Variants in KCNQ1OT1 observed in about 807,000 individuals in gnomAD.
KCNQ1OT1 encodes KCNQ1 opposite strand/antisense transcript 1, also known as KCNQ1 antisense RNA 2 (non-protein coding).
Position 2,677,670 on chromosome 11 carries a change from A to G in KCNQ1OT1, n.22325T>C. 2 of 398,608 alleles carry G rather than the reference A, an allele frequency of 5.0e-6. No individual in the cohort carries two copies. The highest frequency in any genetic ancestry group is 8.8e-6 in the Non-Finnish European group (2 of 226,052). The allele number at this position is 398,608 out of a possible 1,614,324, so 24.7% of individuals were successfully genotyped here. ...ACTGTTATTGCATATGAGATAAAAT[A>G]ATATTTTAACTACTGTTATTTTTCA... is the stretch of plus-strand genomic sequence containing the variant. On this transcript the variant is annotated non_coding_transcript_exon_variant, in exon 1 of 1. Coordinates refer to ENST00000597346, the Ensembl canonical transcript of KCNQ1OT1. This position sits in a 1 kb window ranked among gnomAD's most constrained non-coding sequence, Gnocchi z 4.5.
In KCNQ1OT1 at chr11:2,673,432, CAACTTGGTGTTG is replaced by C; in HGVS notation, n.26551_26562del. The C allele has an allele frequency of 2.5e-6, 1 of 398,670 alleles. No individual in the cohort carries two copies. The highest frequency in any genetic ancestry group is 4.4e-6 in the Non-Finnish European group (1 of 226,082). 24.7% of individuals were successfully genotyped at this position (398,670 alleles called of 1,614,324 possible). On this transcript the variant is annotated non_coding_transcript_exon_variant, in exon 1 of 1. Coordinates refer to ENST00000597346, the Ensembl canonical transcript of KCNQ1OT1. The surrounding 1 kb of genome is among the most constrained non-coding windows in gnomAD (Gnocchi z 4.5). ...GCCTAGGCACCAGGCCTGGAGGTTCCAACTTGGTGTTGGGCCTCCTTGAGCCGGAACACCTGA... is the reference window on the plus strand; with the variant it reads ...GCCTAGGCACCAGGCCTGGAGGTTCCGGCCTCCTTGAGCCGGAACACCTGA...
Position 2,658,430 on chromosome 11 carries a change from C to A in KCNQ1OT1, n.41565G>T. On this transcript the variant is annotated non_coding_transcript_exon_variant, in exon 1 of 1. Coordinates refer to ENST00000597346, the Ensembl canonical transcript of KCNQ1OT1. The surrounding 1 kb of genome is among the most constrained non-coding windows in gnomAD (Gnocchi z 4.9). ...TTGCTCAAATTGTTCAAGCTGTGGC[C>A]ACTGGTGGGTTCATGTGTCCTTTTG... 3 of 398,506 alleles carry A rather than the reference C, an allele frequency of 7.5e-6. No individual in the cohort carries two copies. Among genetic ancestry groups the A allele is most frequent in the Non-Finnish European group, 1.3e-5 (3 of 226,048 alleles). 24.7% of individuals were successfully genotyped at this position (398,506 alleles called of 1,614,324 possible).
chr11:2,614,450 T>A, exon 1 of KCNQ1OT1: 1 of 398,536 alleles, frequency 2.5e-6, no homozygotes, highest in Non-Finnish European at 4.4e-6. Context: ...TTCTAAGAAT[T>A]TATTTCCAAT....
exon 1 of KCNQ1OT1, chr11:2,643,385 A>G (rs1346441936): frequency 7.5e-6 from 3 of 398,310 alleles, no homozygotes; most frequent in East Asian, 3.6e-5. Context: ...CTCTTGGTCA[A>G]TTGATCCCTC....
rs1023440958 is a variant in KCNQ1OT1 at position 2,687,566 on chromosome 11, AC to A, written n.12428del. ...GCACCTACCACAGCCCACTCTGATG[AC>A]CCCCTGTCAAGGAGGTGTGACTGAG... On this transcript the variant is annotated non_coding_transcript_exon_variant, in exon 1 of 1. Coordinates refer to ENST00000597346, the Ensembl canonical transcript of KCNQ1OT1. The surrounding 1 kb of genome is among the most constrained non-coding windows in gnomAD (Gnocchi z 5.0). 20 of 398,318 alleles carry A rather than the reference AC, an allele frequency of 5.0e-5. No homozygotes were observed. The highest frequency in any genetic ancestry group is 3.7e-4 in the African/African-American group (18 of 48,574). The allele number at this position is 398,318 out of a possible 1,614,324, so 24.7% of individuals were successfully genotyped here.
chr11:2,608,982 C>T lies in KCNQ1OT1; in HGVS notation n.91013G>A, dbSNP rs1248271790. The T allele has an allele frequency of 2.5e-6, 1 of 398,136 alleles. No individual in the cohort carries two copies. Among genetic ancestry groups the T allele is most frequent in the East Asian group, 3.6e-5 (1 of 28,084 alleles). 24.7% of individuals were successfully genotyped at this position (398,136 alleles called of 1,614,324 possible). On this transcript the variant is annotated non_coding_transcript_exon_variant, in exon 1 of 1. Coordinates refer to ENST00000597346, the Ensembl canonical transcript of KCNQ1OT1. The surrounding 1 kb of genome is among the most constrained non-coding windows in gnomAD (Gnocchi z 4.6). ...CAAAGGTTTGTTAATTTCAAAGAAC[C>T]AAATTTTGGATTTGTTGACTTTATT... is the stretch of plus-strand genomic sequence containing the variant.
rs1849961420 is a variant in KCNQ1OT1 at position 2,661,833 on chromosome 11, G to A, written n.38162C>T. ...CCAACACCCAACTATAAAACTGATT[G>A]TCAGGGCTGGAGCTTCCAGGCACAA... On this transcript the variant is annotated non_coding_transcript_exon_variant, in exon 1 of 1. Transcript: ENST00000597346. The surrounding 1 kb of genome is among the most constrained non-coding windows in gnomAD (Gnocchi z 5.9). 1.9e-6 allele frequency: 2 copies of A among 1,080,978 alleles called. No homozygotes were observed. The highest frequency in any genetic ancestry group is 1.8e-5 in the Admixed American group (1 of 55,844). 67.0% of individuals were successfully genotyped at this position (1,080,978 alleles called of 1,614,324 possible). A position where few individuals can be genotyped will look rare whatever the true frequency, so the allele number is the denominator to read the frequency against.
chr11:2,651,174 C>A lies in KCNQ1OT1; in HGVS notation n.48821G>T. The A allele has an allele frequency of 2.5e-6, 1 of 398,494 alleles. No homozygotes were observed. Among genetic ancestry groups the A allele is most frequent in the South Asian group, 1.3e-4 (1 of 7,822 alleles). 24.7% of individuals were successfully genotyped at this position (398,494 alleles called of 1,614,324 possible). A position where few individuals can be genotyped will look rare whatever the true frequency, so the allele number is the denominator to read the frequency against. On this transcript the variant is annotated non_coding_transcript_exon_variant, in exon 1 of 1. Coordinates refer to ENST00000597346, the Ensembl canonical transcript of KCNQ1OT1. The surrounding 1 kb of genome is among the most constrained non-coding windows in gnomAD (Gnocchi z 6.1). ...ATGTACAGTGGATCTTGCTGCTTCCCTACTCAAATGTTCCGACAGCTTCCT... is the reference window on the plus strand; with the variant it reads ...ATGTACAGTGGATCTTGCTGCTTCCATACTCAAATGTTCCGACAGCTTCCT...
In KCNQ1OT1 at chr11:2,671,444, C is replaced by T; in HGVS notation, n.28551G>A. The T allele has an allele frequency of 2.5e-6, 1 of 398,594 alleles. No individual in the cohort carries two copies. Among genetic ancestry groups the T allele is most frequent in the Non-Finnish European group, 4.4e-6 (1 of 226,068 alleles). The allele number at this position is 398,594 out of a possible 1,614,324, so 24.7% of individuals were successfully genotyped here. On this transcript the variant is annotated non_coding_transcript_exon_variant, in exon 1 of 1. Coordinates refer to ENST00000597346, the Ensembl canonical transcript of KCNQ1OT1. The surrounding 1 kb of genome is among the most constrained non-coding windows in gnomAD (Gnocchi z 4.7). ...CCAGAGATTCTCCCACTTTAGCAGGCAGAAGAGCAACCCAGCAGGGGATAT... is the reference window on the plus strand; with the variant it reads ...CCAGAGATTCTCCCACTTTAGCAGGTAGAAGAGCAACCCAGCAGGGGATAT...
chr11:2,618,131 T>C lies in KCNQ1OT1; in HGVS notation n.81864A>G, dbSNP rs183229937. 7 of 398,524 alleles carry C rather than the reference T, an allele frequency of 1.8e-5. No homozygotes were observed. The Admixed American group carries it at 2.6e-4, about 15-fold the overall frequency. The allele number at this position is 398,524 out of a possible 1,614,324, so 24.7% of individuals were successfully genotyped here. Reference sequence around the variant, plus strand: ...GCCATGTCGAGCTTTTCCCCTATGTTTTCTTCTGGTTGTGGGTTTTGGTCT... The same window carrying C: ...GCCATGTCGAGCTTTTCCCCTATGTCTTCTTCTGGTTGTGGGTTTTGGTCT... On this transcript the variant is annotated non_coding_transcript_exon_variant, in exon 1 of 1. Coordinates refer to ENST00000597346, the Ensembl canonical transcript of KCNQ1OT1.
chr11:2,696,476 G>A, exon 1 of KCNQ1OT1: 2 of 398,660 alleles, frequency 5.0e-6, no homozygotes, highest in Non-Finnish European at 8.8e-6. Context: ...GCTGAAGTTG[G>A]CGTGTGCCCT....
At position 2,668,687 on chromosome 11, in the gene KCNQ1OT1, TACAC is replaced by T. The variant is rs1308282822; in HGVS notation, n.31304_31307del. The stretch of plus-strand genomic sequence containing the variant: ...TGGAGTCATTTGTCAGAGAGAGAGA[TACAC>T]ACACTCACACTCTCTCACAGACACA... On this transcript the variant is annotated non_coding_transcript_exon_variant, in exon 1 of 1. Transcript: ENST00000597346. The surrounding 1 kb of genome is among the most constrained non-coding windows in gnomAD (Gnocchi z 4.3). 2.5e-6 allele frequency: 1 copy of T among 398,406 alleles called. No individual in the cohort carries two copies. Among genetic ancestry groups the T allele is most frequent in the Non-Finnish European group, 4.4e-6 (1 of 226,052 alleles). 24.7% of individuals were successfully genotyped at this position (398,406 alleles called of 1,614,324 possible). A position where few individuals can be genotyped will look rare whatever the true frequency, so the allele number is the denominator to read the frequency against.
chr11:2,628,122 A>G (rs1355700629), exon 1 of KCNQ1OT1: 1 of 398,480 alleles, frequency 2.5e-6, no homozygotes, highest in Non-Finnish European at 4.4e-6. Context: ...CCTCTTCAAG[A>G]TACTGACTTT....
At chr11:2,689,177 CCTT>C in exon 1 of KCNQ1OT1, 1 of 398,830 alleles carries the variant, frequency 2.5e-6, no homozygotes, top group East Asian at 3.6e-5. Flanking sequence ...TGCTCCTCCT[CCTT>C]TTCTGTGCAA....
At chr11:2,629,704 T>C (rs1849321966) in exon 1 of KCNQ1OT1, 1 of 398,392 alleles carries the variant, frequency 2.5e-6, no homozygotes, top group South Asian at 1.3e-4. Context: ...GAAATTGTTT[T>C]CTTAATTTGT....
At chr11:2,666,676 C>T in exon 1 of KCNQ1OT1, 1 of 398,700 alleles carries the variant, frequency 2.5e-6, no homozygotes, top group Non-Finnish European at 4.4e-6. Context: ...ATGGGACCAG[C>T]TTGGCCTGGG....
Position 2,679,473 on chromosome 11 carries a change from A to G in KCNQ1OT1, n.20522T>C. 2.5e-6 allele frequency: 1 copy of G among 398,644 alleles called. No individual in the cohort carries two copies. Among genetic ancestry groups the G allele is most frequent in the East Asian group, 3.6e-5 (1 of 28,082 alleles). 24.7% of individuals were successfully genotyped at this position (398,644 alleles called of 1,614,324 possible). On this transcript the variant is annotated non_coding_transcript_exon_variant, in exon 1 of 1. Coordinates refer to ENST00000597346, the Ensembl canonical transcript of KCNQ1OT1. The surrounding 1 kb of genome is among the most constrained non-coding windows in gnomAD (Gnocchi z 4.8). The stretch of plus-strand genomic sequence containing the variant: ...AAATTAATAATATAAAGTATGCAGA[A>G]AAGTGCCTGTCCTATAGTAGTGACA...
In KCNQ1OT1 at chr11:2,661,967, A is replaced by G. The variant is rs1410311667; in HGVS notation, n.38028T>C. The G allele has an allele frequency of 1.9e-6, 3 of 1,614,174 alleles. No homozygotes were observed. The highest frequency in any genetic ancestry group is 2.2e-5 in the South Asian group (2 of 91,088). ...CCCCACACTTTCTCCTCAGTAAGGA[A>G]GAGCCCAACACTGCTGGAAGTGAGC... is the stretch of plus-strand genomic sequence containing the variant. On this transcript the variant is annotated non_coding_transcript_exon_variant, in exon 1 of 1. Transcript: ENST00000597346. This position sits in a 1 kb window ranked among gnomAD's most constrained non-coding sequence, Gnocchi z 5.9.
At position 2,621,488 on chromosome 11, in the gene KCNQ1OT1, T is replaced by G. The variant is rs879930099; in HGVS notation, n.78507A>C. On this transcript the variant is annotated non_coding_transcript_exon_variant, in exon 1 of 1. Transcript: ENST00000597346. The surrounding 1 kb of genome is among the most constrained non-coding windows in gnomAD (Gnocchi z 5.7). ...AGTTTGCAAATATTTTTTCTCCCAT[T>G]CTATATGTTGTCTGTTTACTCTGTT... The G allele has an allele frequency of 7.5e-6, 3 of 398,478 alleles. No homozygotes were observed. The highest frequency in any genetic ancestry group is 1.3e-5 in the Non-Finnish European group (3 of 226,070). The allele number at this position is 398,478 out of a possible 1,614,324, so 24.7% of individuals were successfully genotyped here. A position where few individuals can be genotyped will look rare whatever the true frequency, so the allele number is the denominator to read the frequency against.
Sources: gnomAD v4.1 joint callset for allele counts on GRCh38, gnomAD v4.1.1 for gene constraint, Gnocchi (gnomAD v3.1) non-coding constraint, MANE v1.5 for transcripts, NCBI Gene and HGNC (gene_info 2026-07-23, HGNC 2026-07-21) for gene names.